The following ADAMTSL3 variants were observed in gnomAD, a reference collection of about 807,000 sequenced individuals.
The protein encoded by ADAMTSL3 is ADAMTS-like protein 3.
A neutral mutation model predicts 201.7 loss-of-function variants in ADAMTSL3; 128 were observed. The observed-to-expected ratio is 0.63, with a 90% CI of 0.55 to 0.73. The LOEUF (loss-of-function observed/expected upper bound fraction) is 0.73, where lower values mean the gene tolerates loss of function less well. Among genes scored for constraint, ADAMTSL3 ranks in the 30% least tolerant of loss-of-function variants. ADAMTSL3 has a pLI of 0.00. For missense variants in ADAMTSL3, 1,990 were observed against 2,119.6 expected (o/e 0.94, Z 1.20); for synonymous variants, 738 against 748.4 (o/e 0.99, Z 0.23).
intron 17 of ADAMTSL3, among the ~76,000 whole-genome samples, chr15:83,932,801 A>G (rs1274100323): frequency 6.6e-6 from 1 of 152,256 alleles, no homozygotes; most frequent in Non-Finnish European, 1.5e-5. Flanking sequence ...TTAGCTCATA[A>G]TCAAAATTTT....
chr15:83,674,441 A>G (rs1489156845), intron 2 of ADAMTSL3, among the ~76,000 whole-genome samples: 1 of 151,434 alleles, frequency 6.6e-6, no homozygotes, highest in Non-Finnish European at 1.5e-5. Context: ...GTTTGGGTCT[A>G]TTTTCAGATT....
intron 15 of ADAMTSL3, among the ~76,000 whole-genome samples, chr15:83,907,298 A>T (rs1022424061): frequency 3.9e-5 from 6 of 152,030 alleles, no homozygotes; most frequent in African/African-American, 1.4e-4. Flanking sequence ...TTTTTTTAAC[A>T]CACTCAAACC....
intron 15 of ADAMTSL3, among the ~76,000 whole-genome samples, chr15:83,910,801 ATT>A (rs775280665): frequency 1.4e-4 from 20 of 138,032 alleles, no homozygotes; most frequent in Admixed American, 1.4e-4. Context: ...TGACTGGCTA[ATT>A]TTTTTTTTTT....
intron 3 of ADAMTSL3, among the ~76,000 whole-genome samples, chr15:83,734,121 A>G (rs1316649408): frequency 6.6e-6 from 1 of 152,238 alleles, no homozygotes; most frequent in East Asian, 1.9e-4. Context: ...GCTATAAAAT[A>G]TAGACTATGA....
chr15:83,660,922 G>A lies in ADAMTSL3; in HGVS notation c.69+5092G>A, dbSNP rs983648688. 6.1e-4 allele frequency among the ~76,000 whole-genome samples: 91 copies of A among 149,184 alleles called. No individual in the cohort carries two copies. The East Asian group carries it at 0.016, about 25-fold the overall frequency. On this transcript the variant is annotated intron_variant, in intron 2 of 29. Coordinates refer to ENST00000286744, the MANE Select transcript of ADAMTSL3 (RefSeq NM_207517.3). ...GGGTTTTTATGGTTTTAGGTCTAAC[G>A]TTTAAATCTTTAATCCATCTTGAAT...
At chr15:83,794,255 TAA>T (rs1356762036) in intron 4 of ADAMTSL3, among the ~76,000 whole-genome samples, 1 of 152,192 alleles carries the variant, frequency 6.6e-6, no homozygotes, top group African/African-American at 2.4e-5. Context: ...CAGTTTCTTT[TAA>T]AAAAATAAAC....
At chr15:84,031,275 A>C in intron 27 of ADAMTSL3, 60 bp from the exon 28 acceptor site, 1 of 1,516,858 alleles carries the variant, frequency 6.6e-7, no homozygotes, top group African/African-American at 1.4e-5. Context: ...ACATGATCTT[A>C]GTACACACAG....
At chr15:83,711,379 C>A (rs2061931460) in intron 3 of ADAMTSL3, among the ~76,000 whole-genome samples, 4 of 152,158 alleles carry the variant, frequency 2.6e-5, no homozygotes, top group African/African-American at 9.7e-5. Flanking sequence ...GCCCATGGGT[C>A]TACTGGGTAT....
intron 2 of ADAMTSL3, among the ~76,000 whole-genome samples, chr15:83,664,314 G>A (rs555730459): frequency 1.8e-4 from 27 of 151,316 alleles, no homozygotes; most frequent in Non-Finnish European, 2.2e-4. Flanking sequence ...AAGTGGAAGA[G>A]GCTCAGCACC....
intron 3 of ADAMTSL3, among the ~76,000 whole-genome samples, chr15:83,751,208 A>C (rs2062631761): frequency 1.3e-5 from 2 of 152,240 alleles, no homozygotes. Flanking sequence ...TCAGTGGACT[A>C]AGTTAACAAT....
In ADAMTSL3 at chr15:84,036,960, C is replaced by A; in HGVS notation, c.4942C>A (p.Arg1648=). Residue 1648 remains arginine, a synonymous_variant, in exon 29 of 30, where the codon CGG becomes AGG. Transcript: ENST00000286744. ...CVQKKKPISW[R]HCLGPSCDRD... is the part of the protein sequence containing the mutation. ...ACAGAAAAAGAAACCAATTTCCTGGCGGCACTGTCTTGGGCCCTCCTGTGA... is the reference window on the plus strand; with the variant it reads ...ACAGAAAAAGAAACCAATTTCCTGGAGGCACTGTCTTGGGCCCTCCTGTGA... 1 of 1,614,040 alleles carries A rather than the reference C, an allele frequency of 6.2e-7. No homozygotes were observed. Among genetic ancestry groups the A allele is most frequent in the Non-Finnish European group, 8.5e-7 (1 of 1,179,992 alleles).
chr15:83,657,910 C>T (rs2061112850), intron 2 of ADAMTSL3, among the ~76,000 whole-genome samples: 1 of 152,126 alleles, frequency 6.6e-6, no homozygotes, highest in South Asian at 2.1e-4. Context: ...GTAGGGTCAG[C>T]CTGGGTTTGA....
At chr15:83,857,335 T>G (rs2064758707) in intron 7 of ADAMTSL3, among the ~76,000 whole-genome samples, 1 of 152,142 alleles carries the variant, frequency 6.6e-6, no homozygotes, top group Non-Finnish European at 1.5e-5. Context: ...TCAAATTTAG[T>G]TTTTTTTCAT....
At chr15:83,699,569 C>T (rs1263748702) in intron 2 of ADAMTSL3, among the ~76,000 whole-genome samples, 2 of 152,204 alleles carry the variant, frequency 1.3e-5, no homozygotes, top group Admixed American at 6.5e-5. Context: ...GCTCAGTCTC[C>T]ACAAAGCAGT....
At chr15:83,782,964 A>G (rs999984477) in intron 4 of ADAMTSL3, among the ~76,000 whole-genome samples, 5 of 146,316 alleles carry the variant, frequency 3.4e-5, no homozygotes, top group South Asian at 4.2e-4. Flanking sequence ...TATTATATAT[A>G]CATATATTAT....
chr15:83,799,870 T>C (rs2063490489), intron 4 of ADAMTSL3, among the ~76,000 whole-genome samples: 1 of 152,234 alleles, frequency 6.6e-6, no homozygotes, highest in African/African-American at 2.4e-5. Flanking sequence ...GCTTAGTTGC[T>C]TTGGCCCAAA....
At chr15:83,684,411 T>G (rs1393392458) in intron 2 of ADAMTSL3, among the ~76,000 whole-genome samples, 1 of 152,172 alleles carries the variant, frequency 6.6e-6, no homozygotes. Flanking sequence ...ATTTTGTACT[T>G]TTAAAACTTT....
intron 2 of ADAMTSL3, among the ~76,000 whole-genome samples, chr15:83,672,382 G>A (rs551556623): frequency 6.6e-6 from 1 of 152,318 alleles, no homozygotes; most frequent in East Asian, 1.9e-4. Flanking sequence ...TTGGAAAGGA[G>A]AAAGCACTAT....
rs184583219 is a variant in ADAMTSL3 at position 83,953,895 on chromosome 15, C to G, written c.2490+10813C>G. On this transcript the variant is annotated intron_variant, in intron 19 of 29. Transcript: ENST00000286744. ...GCCTTTAAGGTTTCCACTGAAAAGT[C>G]TGTTTCCAGACTTATTAGAACCCCA... is the stretch of plus-strand genomic sequence containing the variant. Among the ~76,000 whole-genome samples the G allele has an allele frequency of 9.8e-4, 149 of 152,306 alleles. 1 individual carries two copies. The highest frequency in any genetic ancestry group is 4.3e-3 in the Admixed American group (65 of 15,294).
Sources: allele counts gnomAD v4.1 joint callset (sites outside exome capture counted in the v4.1 genomes callset), GRCh38; gene constraint gnomAD v4.1.1; transcripts MANE v1.5; gene names NCBI Gene and HGNC (gene_info 2026-07-23, HGNC 2026-07-21).